The following PRSS23 variants were observed in gnomAD, a reference collection of about 807,000 sequenced individuals.
PRSS23 encodes the protein protease, serine 23.
PRSS23 carries 25 observed loss-of-function variants against 34.7 expected under a neutral mutation model. That is an observed-to-expected ratio of 0.72 (90% CI 0.53 to 1.01). The LOEUF is 1.01. Ranked by LOEUF, PRSS23 falls within the 50% of genes least tolerant of loss-of-function variation. The pLI, the probability that PRSS23 is intolerant of heterozygous loss-of-function variation, is 0.00. For missense variants in PRSS23, 445 were observed against 475.6 expected, an observed-to-expected ratio of 0.94 and a Z score of 0.60; for synonymous variants, 176 against 186.6, an observed-to-expected ratio of 0.94 and a Z score of 0.46.
At chr11:86,847,525 C>G (rs561136084) in intron 2 of PRSS23, among the ~76,000 whole-genome samples, 1 of 152,200 alleles carries the variant, frequency 6.6e-6, no homozygotes, top group African/African-American at 2.4e-5. Flanking sequence ...AGTCCTGACC[C>G]TTAGGGGACA....
At chr11:86,883,534 A>G (rs1485166455) in intron 2 of PRSS23, among the ~76,000 whole-genome samples, 1 of 152,196 alleles carries the variant, frequency 6.6e-6, no homozygotes, top group Non-Finnish European at 1.5e-5. Flanking sequence ...CCCAAACTAT[A>G]AAAACCCTGG....
chr11:86,879,793 G>A (rs1186385812), intron 2 of PRSS23, among the ~76,000 whole-genome samples: 1,348 of 108,696 alleles, frequency 0.012, 34 homozygotes, highest in Non-Finnish European at 0.021. Context: ...CCCCCTGCCC[G>A]GCCAGCCGCC....
chr11:86,869,042 G>A (rs1394720936), intron 2 of PRSS23, among the ~76,000 whole-genome samples: 2 of 152,050 alleles, frequency 1.3e-5, no homozygotes, highest in Non-Finnish European at 2.9e-5. Flanking sequence ...AAAAGTCCTG[G>A]AGTCAAGCGA....
At chr11:86,879,203 A>G (rs11234853) in intron 2 of PRSS23, among the ~76,000 whole-genome samples, 81,211 of 121,932 alleles carry the variant, frequency 0.67, 28,203 homozygotes, top group African/African-American at 0.88. Flanking sequence ...GCGGCCCATC[A>G]TCTGAGATGT....
At position 86,852,942 on chromosome 11, in the gene PRSS23, A is replaced by G. The variant is rs532770511; in HGVS notation, c.206+29349A>G. On this transcript the variant is annotated intron_variant, in intron 2 of 2. Coordinates refer to the PRSS23 transcript ENST00000533902. ...GATCTCGGCTCACTGCAACCTCCACATCGTGGGTTCAAGCGATTCTTGTGT... is the reference window on the plus strand; with the variant it reads ...GATCTCGGCTCACTGCAACCTCCACGTCGTGGGTTCAAGCGATTCTTGTGT... Among the ~76,000 whole-genome samples, 540 of 151,886 alleles carry G rather than the reference A, an allele frequency of 3.6e-3. 4 individuals are homozygous for G. The highest frequency in any genetic ancestry group is 0.013 in the African/African-American group (529 of 41,418).
chr11:86,913,274 C>CAAAAAAAA (rs201233084), intron 2 of PRSS23, among the ~76,000 whole-genome samples: 2 of 61,160 alleles, frequency 3.3e-5, no homozygotes, highest in African/African-American at 5.1e-5. Flanking sequence ...TGCCCTCAGG[C>CAAAAAAAA]AAAAAAAAAA....
At chr11:86,914,193 T>C (rs149835580) in intron 2 of PRSS23, among the ~76,000 whole-genome samples, 1 of 152,000 alleles carries the variant, frequency 6.6e-6, no homozygotes, top group African/African-American at 2.4e-5. Flanking sequence ...GCCACTACAC[T>C]CCAGCCTGGG....
intron 2 of PRSS23, among the ~76,000 whole-genome samples, chr11:86,838,066 G>A (rs1948420120): frequency 6.6e-6 from 1 of 151,574 alleles, no homozygotes; most frequent in South Asian, 2.1e-4. Flanking sequence ...TGAAGAAACG[G>A]TACACTCTTT....
intron 1 of PRSS23, among the ~76,000 whole-genome samples, chr11:86,791,939 T>C (rs1039224890): frequency 3.3e-5 from 5 of 152,230 alleles, no homozygotes; most frequent in African/African-American, 1.2e-4. Context: ...TAAAATAATT[T>C]GAGAATCAGG....
intron 2 of PRSS23, among the ~76,000 whole-genome samples, chr11:86,878,636 G>A (rs1484499645): frequency 6.6e-6 from 1 of 152,064 alleles, no homozygotes; most frequent in Non-Finnish European, 1.5e-5. Context: ...CCAGCCGCCT[G>A]CCTTGGCCTC....
At chr11:86,945,364 CA>C (rs58204343) in intron 2 of PRSS23, among the ~76,000 whole-genome samples, 7,179 of 133,102 alleles carry the variant, frequency 0.054, 250 homozygotes, top group East Asian at 0.21. Flanking sequence ...CTGAAAATGC[CA>C]AAAAAAAAAA....
At chr11:86,794,100 GCTTACTC>G (rs1947967117) in intron 1 of PRSS23, among the ~76,000 whole-genome samples, 2 of 152,030 alleles carry the variant, frequency 1.3e-5, no homozygotes, top group South Asian at 4.1e-4. Context: ...CCACATGAAA[GCTTACTC>G]CTTATAAAGG....
At chr11:86,844,421 A>T (rs1565363881) in intron 2 of PRSS23, among the ~76,000 whole-genome samples, 1 of 148,100 alleles carries the variant, frequency 6.8e-6, no homozygotes, top group African/African-American at 2.5e-5. Context: ...TAAAAAAAAA[A>T]TGGACATAAC....
At chr11:86,898,149 G>C (rs1025984338) in intron 2 of PRSS23, among the ~76,000 whole-genome samples, 5 of 152,198 alleles carry the variant, frequency 3.3e-5, no homozygotes, top group African/African-American at 1.2e-4. Context: ...CCCCAGGGCA[G>C]ATATTTCATT....
At chr11:86,937,727 A>C (rs1949174112) in intron 2 of PRSS23, 1 of 152,214 alleles carries the variant, frequency 6.6e-6, no homozygotes, top group Non-Finnish European at 1.5e-5. Flanking sequence ...TAATCAAGAA[A>C]TAACCATAAA....
At chr11:86,888,623 A>G (rs2134969479) in intron 2 of PRSS23, among the ~76,000 whole-genome samples, 1 of 152,368 alleles carries the variant, frequency 6.6e-6, no homozygotes, top group South Asian at 2.1e-4. Flanking sequence ...ACTGTTGGTC[A>G]TTCCTGAGAA....
chr11:86,857,854 T>TG (rs1255131627), intron 2 of PRSS23: 4 of 535,624 alleles, frequency 7.5e-6, no homozygotes, highest in African/African-American at 5.8e-5. Flanking sequence ...GGTGTGGAAG[T>TG]GGGGGTCAGA....
chr11:86,878,631 C>T (rs1210259433), intron 2 of PRSS23, among the ~76,000 whole-genome samples: 3 of 152,106 alleles, frequency 2.0e-5, no homozygotes, highest in African/African-American at 4.8e-5. Context: ...ACCTCCCAGC[C>T]GCCTGCCTTG....
chr11:86,919,375 C>T (rs754630673), intron 2 of PRSS23, among the ~76,000 whole-genome samples: 1 of 152,260 alleles, frequency 6.6e-6, no homozygotes, highest in Non-Finnish European at 1.5e-5. Context: ...GCCACTCTCT[C>T]GTTGTGGGCA....
Sources: gnomAD v4.1 joint callset for allele counts (sites outside exome capture counted in the v4.1 genomes callset) on GRCh38, gnomAD v4.1.1 for gene constraint, MANE v1.5 for transcripts, NCBI Gene and HGNC (gene_info 2026-07-23, HGNC 2026-07-21) for gene names.